Variants in AGBL1 observed in about 807,000 individuals in gnomAD.
AGBL1 encodes AGBL carboxypeptidase 1, also known as cytosolic carboxypeptidase 4.
In AGBL1, 130 loss-of-function variants were observed where a neutral mutation model predicts 118.9. The observed-to-expected ratio is 1.09, with a 90% CI of 0.95 to 1.26. The LOEUF is 1.26. Among genes scored for constraint, AGBL1 ranks in the 50% most tolerant of loss-of-function variants. The pLI is 0.00. For missense variants in AGBL1, 1,584 were observed against 1,298.1 expected (o/e 1.22, Z -3.38); for synonymous variants, 555 against 478.9 (o/e 1.16, Z -2.08).
In AGBL1 at chr15:86,113,100, C is replaced by G. The variant is rs370971538; in HGVS notation, c.52-28904C>G. On this transcript the variant is annotated intron_variant, in intron 1 of 22. Transcript: ENST00000614907. ...AATGGTGAGTCTATCAGCAATGGGACTGGGGCAGATTTTAGCTTTCCTGCT... is the reference window on the plus strand; with the variant it reads ...AATGGTGAGTCTATCAGCAATGGGAGTGGGGCAGATTTTAGCTTTCCTGCT... 2.6e-5 allele frequency among the ~76,000 whole-genome samples: 4 copies of G among 152,258 alleles called. No homozygotes were observed. In the East Asian group the frequency reaches 7.7e-4, roughly 29 times the overall value.
chr15:86,804,514 A>G (rs1294465998), intron 22 of AGBL1, among the ~76,000 whole-genome samples: 2 of 152,254 alleles, frequency 1.3e-5, no homozygotes, highest in East Asian at 3.9e-4. Flanking sequence ...ACAACAACAA[A>G]TCTGGCCTCA....
chr15:86,720,604 G>T (rs1451578994), intron 22 of AGBL1, among the ~76,000 whole-genome samples: 2 of 152,100 alleles, frequency 1.3e-5, no homozygotes, highest in Admixed American at 1.3e-4. Flanking sequence ...ACTATAGTGG[G>T]CAACAGTTAC....
At chr15:86,445,735 A>G (rs2082113134) in intron 18 of AGBL1, among the ~76,000 whole-genome samples, 1 of 152,216 alleles carries the variant, frequency 6.6e-6, no homozygotes, top group Admixed American at 6.5e-5. Flanking sequence ...ATCAGGCACA[A>G]GAGCCAGTTG....
chr15:86,685,958 A>C (rs1449369686), intron 22 of AGBL1, among the ~76,000 whole-genome samples: 3 of 152,130 alleles, frequency 2.0e-5, no homozygotes, highest in Non-Finnish European at 2.9e-5. Flanking sequence ...ATCCTCCACT[A>C]TAGGGAAATA....
At chr15:86,918,230 A>T (rs2080448504), downstream of AGBL1, among the ~76,000 whole-genome samples, 1 of 152,236 alleles carries the variant, frequency 6.6e-6, no homozygotes, top group African/African-American at 2.4e-5. Flanking sequence ...TGAGGTAAAT[A>T]ACTATTATGA....
At chr15:86,255,964 A>T (rs1441385616) in intron 7 of AGBL1, among the ~76,000 whole-genome samples, 1 of 152,166 alleles carries the variant, frequency 6.6e-6, no homozygotes, top group Non-Finnish European at 1.5e-5. Flanking sequence ...GTGTGTACCT[A>T]GCATCCACCA....
intron 21 of AGBL1, among the ~76,000 whole-genome samples, chr15:86,570,953 T>A (rs1008237400): frequency 2.0e-5 from 3 of 152,106 alleles, no homozygotes; most frequent in Admixed American, 6.5e-5. Flanking sequence ...GTGAGCAGCA[T>A]GCGGGCTGGC....
chr15:86,264,479 G>T lies in AGBL1; in HGVS notation c.1308G>T (p.Val436=). 1 of 1,614,054 alleles carries T rather than the reference G, an allele frequency of 6.2e-7. No homozygotes were observed. The highest frequency in any genetic ancestry group is 8.5e-7 in the Non-Finnish European group (1 of 1,179,904). Residue 436 remains valine (V), a synonymous_variant, in exon 11 of 23, where the codon GTG becomes GTT. Coordinates refer to ENST00000614907, the MANE Select transcript of AGBL1 (RefSeq NM_001386094.1). The part of the protein sequence containing the change: ...VHLGSKKNPG[V]NLYQNVQSNS... ...TAGGCTCCAAAAAAAATCCTGGAGT[G>T]AACCTGTACCAAAATGTGCAATCCA...
intron 1 of AGBL1, among the ~76,000 whole-genome samples, chr15:86,127,086 C>A (rs1050303523): frequency 6.6e-6 from 1 of 152,162 alleles, no homozygotes; most frequent in East Asian, 1.9e-4. Context: ...AAGCTGTAGT[C>A]CCCAGTAATC....
chr15:86,741,847 A>G (rs2077684687), intron 22 of AGBL1, among the ~76,000 whole-genome samples: 1 of 152,128 alleles, frequency 6.6e-6, no homozygotes, highest in South Asian at 2.1e-4. Context: ...TTTAAGAGTT[A>G]TTTTAAGAAT....
chr15:86,465,826 A>G (rs1298488602), intron 18 of AGBL1, among the ~76,000 whole-genome samples: 1 of 152,130 alleles, frequency 6.6e-6, no homozygotes, highest in African/African-American at 2.4e-5. Flanking sequence ...TTCATCAGTA[A>G]TTCTACTTTC....
At chr15:86,573,303 G>A (rs116997899) in intron 21 of AGBL1, among the ~76,000 whole-genome samples, 1,785 of 152,206 alleles carry the variant, frequency 0.012, 21 homozygotes, top group Non-Finnish European at 0.02. Flanking sequence ...AATATGACAG[G>A]GAGTAGAACT....
intron 22 of AGBL1, among the ~76,000 whole-genome samples, chr15:86,744,268 C>A (rs1015434311): frequency 5.9e-5 from 9 of 152,042 alleles, no homozygotes; most frequent in African/African-American, 2.2e-4. Flanking sequence ...CTGACGAGCC[C>A]GCTTTGCATA....
intron 22 of AGBL1, among the ~76,000 whole-genome samples, chr15:86,753,391 CTTTTTCTTTTTT>C (rs1279093007): frequency 1.7e-5 from 2 of 117,316 alleles, no homozygotes; most frequent in African/African-American, 6.9e-5. Context: ...CTTTCTTTTT[CTTTTTCTTTTTT>C]TTTTTTTTTT....
chr15:86,821,141 C>T (rs8039525), intron 22 of AGBL1, among the ~76,000 whole-genome samples: 100 of 151,788 alleles, frequency 6.6e-4, no homozygotes, highest in African/African-American at 2.3e-3. Context: ...CACATGGACA[C>T]AGGGAGGGGA....
chr15:86,216,783 TA>T (rs2078196925), intron 5 of AGBL1, among the ~76,000 whole-genome samples: 1 of 152,182 alleles, frequency 6.6e-6, no homozygotes, highest in Admixed American at 6.6e-5. Context: ...CAAAATCCAG[TA>T]GAGAATCCTC....
chr15:86,359,535 G>T (rs1040094635), intron 17 of AGBL1, among the ~76,000 whole-genome samples: 2 of 149,852 alleles, frequency 1.3e-5, no homozygotes. Flanking sequence ...AGTCTTTTGT[G>T]TTCCATATCA....
Position 86,094,465 on chromosome 15 carries a change from T to G in AGBL1, c.51+14442T>G, listed in dbSNP as rs114476265. 5.7e-3 allele frequency among the ~76,000 whole-genome samples: 866 copies of G among 152,286 alleles called. 5 individuals carry two copies. The highest frequency in any genetic ancestry group is 0.02 in the African/African-American group (835 of 41,562). ...TGTAGCTTCCCTGGGAAGCAGATTCTGAGACAAAGATTTTCATGCAGGAAG... is the reference window on the plus strand; with the variant it reads ...TGTAGCTTCCCTGGGAAGCAGATTCGGAGACAAAGATTTTCATGCAGGAAG... On this transcript the variant is annotated intron_variant, in intron 1 of 22. Coordinates refer to ENST00000614907, the MANE Select transcript of AGBL1 (RefSeq NM_001386094.1).
intron 22 of AGBL1, among the ~76,000 whole-genome samples, chr15:86,692,059 G>A (rs551326269): frequency 3.3e-5 from 5 of 151,924 alleles, no homozygotes; most frequent in African/African-American, 4.8e-5. Context: ...TGCTGGATGA[G>A]GTAAGGGTTG....
Sources: gnomAD v4.1 joint callset for allele counts (sites outside exome capture counted in the v4.1 genomes callset) on GRCh38, gnomAD v4.1.1 for gene constraint, MANE v1.5 for transcripts, NCBI Gene and HGNC (gene_info 2026-07-23, HGNC 2026-07-21) for gene names.